Variants in TBC1D9B observed in about 807,000 individuals in gnomAD.
TBC1D9B encodes the protein TBC1 domain family, member 9B (with GRAM domain).
A neutral mutation model predicts 121.1 loss-of-function variants in TBC1D9B; 87 were observed. That is an observed-to-expected ratio of 0.72 (90% confidence interval 0.60 to 0.86). TBC1D9B has a LOEUF of 0.86. Among genes scored for constraint, TBC1D9B ranks in the 40% least tolerant of loss-of-function variants. The probability of loss-of-function intolerance (pLI) is 0.00; values close to 1 mark genes in which losing one functional copy is unlikely to be tolerated. For missense variants in TBC1D9B, 1,540 were observed against 1,628.6 expected (o/e 0.95, Z 0.94); for synonymous variants, 668 against 670.1 (o/e 1.00, Z 0.05).
At chr5:179,881,680 C>T (rs963936448) in intron 7 of TBC1D9B, among the ~76,000 whole-genome samples, 6 of 152,206 alleles carry the variant, frequency 3.9e-5, no homozygotes, top group Non-Finnish European at 7.3e-5. Flanking sequence ...ATCTCACTGT[C>T]TCCTTTCCCC....
In TBC1D9B at chr5:179,863,975, G is replaced by A. The variant is rs777917427; in HGVS notation, c.3175C>T (p.Pro1059Ser). The change falls in exon 21 of 21, where the codon CCC (proline) becomes TCC (serine). Residue 1059 changes from proline to serine, a missense_variant. Physicochemically the swap from Pro to Ser is moderately conservative, Grantham distance 74. Transcript: ENST00000355235. This position sits in a 1 kb window ranked among gnomAD's most constrained non-coding sequence, Gnocchi z 4.5. ...KKFSARTGRK[P>S]RDCATEEDEP... ...TCCTCCTCAGTGGCACAGTCCCTGG[G>A]CTTCCTGCCTGTGCGGGCTGAGAAC... The A allele has an allele frequency of 1.2e-6, 2 of 1,613,824 alleles. No homozygotes were observed. Among genetic ancestry groups the A allele is most frequent in the African/African-American group, 2.7e-5 (2 of 75,034 alleles).
At position 179,865,184 on chromosome 5, in the gene TBC1D9B, G is replaced by A. The variant is rs76297762; in HGVS notation, c.3021+70C>T. ...CCAGGAGATGCTGCAGTGCAGGTGC[G>A]GTGATGTTAGGGCCCAGTCTTGGTC... On this transcript the variant is annotated intron_variant, in intron 20 of 20. Coordinates refer to ENST00000355235, the MANE Select transcript of TBC1D9B (RefSeq NM_015043.4). The surrounding 1 kb of genome is among the most constrained non-coding windows in gnomAD (Gnocchi z 5.1). 2.1e-3 allele frequency: 3,002 copies of A among 1,425,782 alleles called. 58 individuals carry two copies. The African/African-American group carries it at 0.037, about 17-fold the overall frequency. 88.3% of individuals were successfully genotyped at this position (1,425,782 alleles called of 1,614,324 possible).
intron 14 of TBC1D9B, 86 bp from the exon 15 acceptor site, chr5:179,871,616 G>C (rs1243323979): frequency 6.9e-7 from 1 of 1,456,732 alleles, no homozygotes; most frequent in Non-Finnish European, 9.5e-7. Context: ...ATCCTCGGCA[G>C]ACAAGGGCAA....
Position 179,875,824 on chromosome 5 carries a change from C to G in TBC1D9B, c.1900+96G>C. On this transcript the variant is annotated intron_variant, in intron 11 of 20. Coordinates refer to ENST00000355235, the MANE Select transcript of TBC1D9B (RefSeq NM_015043.4). This position sits in a 1 kb window ranked among gnomAD's most constrained non-coding sequence, Gnocchi z 4.5. ...TACCCTCTAACTCCTAGGGAACCCACGTGAAGCCTGGAGCTTGGCCTGGGA... is the reference window on the plus strand; with the variant it reads ...TACCCTCTAACTCCTAGGGAACCCAGGTGAAGCCTGGAGCTTGGCCTGGGA... The G allele has an allele frequency of 2.0e-6, 2 of 995,340 alleles. No individual in the cohort carries two copies. The highest frequency in any genetic ancestry group is 2.9e-6 in the Non-Finnish European group (2 of 694,102). 61.7% of individuals were successfully genotyped at this position (995,340 alleles called of 1,614,324 possible). A position where few individuals can be genotyped will look rare whatever the true frequency, so the allele number is the denominator to read the frequency against.
intron 3 of TBC1D9B, among the ~76,000 whole-genome samples, chr5:179,895,330 A>G (rs575795132): frequency 6.0e-4 from 91 of 152,214 alleles, no homozygotes; most frequent in South Asian, 8.3e-4. Context: ...GCAAACACCA[A>G]TGGATTCATA....
At chr5:179,886,145 C>T (rs1433836334) in intron 7 of TBC1D9B, among the ~76,000 whole-genome samples, 7 of 152,168 alleles carry the variant, frequency 4.6e-5, no homozygotes, top group African/African-American at 1.7e-4. Context: ...CCCTTCTTTC[C>T]CCTGGCACTC....
chr5:179,875,105 C>T lies in TBC1D9B; in HGVS notation c.1983G>A (p.Gly661=). The change falls in exon 12 of 21, where the codon GGG becomes GGA. Residue 661 remains glycine, a synonymous_variant. Transcript: ENST00000355235. This position sits in a 1 kb window ranked among gnomAD's most constrained non-coding sequence, Gnocchi z 4.5. The part of the protein sequence containing the change: ...PQLSEKMQDL[G]VISSISLSWF... ...AGGACAGCGAGATGCTGGAGATCACCCCCAGGTCCTGCATCTTCTCCGAGA... is the reference window on the plus strand; with the variant it reads ...AGGACAGCGAGATGCTGGAGATCACTCCCAGGTCCTGCATCTTCTCCGAGA... 1 of 1,614,052 alleles carries T rather than the reference C, an allele frequency of 6.2e-7. No individual in the cohort carries two copies. Among genetic ancestry groups the T allele is most frequent in the South Asian group, 1.1e-5 (1 of 91,084 alleles).
Position 179,876,017 on chromosome 5 carries a change from C to T in TBC1D9B, c.1803G>A (p.Ser601=), listed in dbSNP as rs148803218. 8.1e-4 allele frequency: 1,312 copies of T among 1,612,520 alleles called. 1 individual carries two copies. Among genetic ancestry groups the T allele is most frequent in the Middle Eastern group, 2.2e-3 (13 of 6,046 alleles). ...CCTCACTGCCATAGAGCAGGAGCAC[C>T]GAGGTCACGATGTTCATTGCCTGCC... ...GYCQAMNIVT[S]VLLLYGSEEE... is the part of the protein sequence containing the mutation. The change falls in exon 11 of 21, where the codon TCG becomes TCA. Residue 601 remains serine, a synonymous_variant. Coordinates refer to ENST00000355235, the MANE Select transcript of TBC1D9B (RefSeq NM_015043.4).
chr5:179,892,760 G>A (rs1760901625), intron 5 of TBC1D9B, among the ~76,000 whole-genome samples: 1 of 152,204 alleles, frequency 6.6e-6, no homozygotes, highest in African/African-American at 2.4e-5. Context: ...GTCAATCACG[G>A]TGGGACGGAG....
chr5:179,878,324 G>C lies in TBC1D9B; in HGVS notation c.1767C>G (p.Thr589=). ...VLTAYAFRNP[T]IGYCQAMNIV... ...GGCCCCTTACCTGGCAGTAGCCGAT[G>C]GTGGGGTTTCGGAAGGCATAGGCAG... The change falls in exon 10 of 21, where the codon ACC becomes ACG. Residue 589 remains threonine, a synonymous_variant. Coordinates refer to ENST00000355235, the MANE Select transcript of TBC1D9B (RefSeq NM_015043.4). 6.2e-7 allele frequency: 1 copy of C among 1,613,144 alleles called. No individual in the cohort carries two copies. The highest frequency in any genetic ancestry group is 8.5e-7 in the Non-Finnish European group (1 of 1,179,866).
At chr5:179,899,512 G>A (rs573986883) in intron 2 of TBC1D9B, among the ~76,000 whole-genome samples, 2 of 152,248 alleles carry the variant, frequency 1.3e-5, no homozygotes, top group African/African-American at 2.4e-5. Flanking sequence ...AAAATTAAAC[G>A]TCCAGGCTGA....
chr5:179,899,273 T>C lies in TBC1D9B; in HGVS notation c.264A>G (p.Glu88=). 6.2e-7 allele frequency: 1 copy of C among 1,614,114 alleles called. No homozygotes were observed. Among genetic ancestry groups the C allele is most frequent in the Non-Finnish European group, 8.5e-7 (1 of 1,180,012 alleles). The change falls in exon 3 of 21, where the codon GAA becomes GAG. Residue 88 remains glutamate, a synonymous_variant. Transcript: ENST00000355235. ...TCTGGAGCAAGTTATTTTCCAGCCA[T>C]TCCCAGTGTTTTGTGATCTCTTTGC... The part of the protein sequence containing the change: ...SSRKEITKHW[E]WLENNLLQTL...
rs781360785 is a variant in TBC1D9B at position 179,879,742 on chromosome 5, G to A, written c.1302C>T (p.Ala434=). ...QEGSEQPASP[A]SPLSSRQSFC... is the part of the protein sequence containing the mutation. ...AGCTCTGGCGGCTGCTGAGGGGAGAGGCTGGGCTGGCGGGCTGCTCCGACC... is the reference window on the plus strand; with the variant it reads ...AGCTCTGGCGGCTGCTGAGGGGAGAAGCTGGGCTGGCGGGCTGCTCCGACC... Residue 434 remains alanine, a synonymous_variant, in exon 8 of 21, where the codon GCC becomes GCT. Coordinates refer to ENST00000355235, the MANE Select transcript of TBC1D9B (RefSeq NM_015043.4). 1.2e-6 allele frequency: 2 copies of A among 1,613,938 alleles called. No homozygotes were observed. Among genetic ancestry groups the A allele is most frequent in the Admixed American group, 1.7e-5 (1 of 59,998 alleles).
At chr5:179,894,665 T>C (rs1393135865) in intron 3 of TBC1D9B, 51 bp from the exon 4 acceptor site, 2 of 1,594,494 alleles carry the variant, frequency 1.3e-6, no homozygotes, top group African/African-American at 2.7e-5. Context: ...CCCGGACAGG[T>C]CAAAGGGTGG....
In TBC1D9B at chr5:179,902,227, G is replaced by T. The variant is rs1001798190; in HGVS notation, c.229+2475C>A. On this transcript the variant is annotated intron_variant, in intron 2 of 20. Coordinates refer to ENST00000355235, the MANE Select transcript of TBC1D9B (RefSeq NM_015043.4). This position sits in a 1 kb window ranked among gnomAD's most constrained non-coding sequence, Gnocchi z 4.9. ...GAGTCTGGGCAGTTCTCAGAGGAGC[G>T]GGAGGGAAGGTTAGCTGGCATGGCG... Among the ~76,000 whole-genome samples the T allele has an allele frequency of 1.3e-5, 2 of 152,242 alleles. No individual in the cohort carries two copies. The highest frequency in any genetic ancestry group is 2.9e-5 in the Non-Finnish European group (2 of 68,040).
chr5:179,888,323 G>C lies in TBC1D9B; in HGVS notation c.1045-11C>G, dbSNP rs370177384. 8.7e-6 allele frequency: 14 copies of C among 1,611,952 alleles called. No individual in the cohort carries two copies. Among genetic ancestry groups the C allele is most frequent in the Non-Finnish European group, 1.1e-5 (13 of 1,179,518 alleles). On this transcript the variant is annotated splice_polypyrimidine_tract_variant and intron_variant, in intron 6 of 20. Transcript: ENST00000355235. ...TTCGACAATGGTCACCTGAGAAGGT[G>C]AAAGAACTCTTTTGGGTGTCTGCAT...
In TBC1D9B at chr5:179,865,694, C is replaced by T. The variant is rs76759497; in HGVS notation, c.2914+144G>A. The T allele has an allele frequency of 4.4e-3, 4,169 of 948,822 alleles. 74 individuals carry two copies. The East Asian group carries it at 0.046, about 10-fold the overall frequency. 58.8% of individuals were successfully genotyped at this position (948,822 alleles called of 1,614,324 possible). ...GGAGAGCGTGGAGCCTCCTGTGCAT[C>T]CCGAGGCCTGCTCCCTGATCGGGGG... On this transcript the variant is annotated intron_variant, in intron 19 of 20. Transcript: ENST00000355235. The surrounding 1 kb of genome is among the most constrained non-coding windows in gnomAD (Gnocchi z 5.1).
intron 15 of TBC1D9B, chr5:179,870,699 TGA>T (rs1463253043): frequency 2.5e-6 from 2 of 785,660 alleles, no homozygotes; most frequent in Admixed American, 6.1e-5. Flanking sequence ...GGGGGTTGGC[TGA>T]GAGACAGAGT....
In TBC1D9B at chr5:179,876,025, C is replaced by T. The variant is rs751932035; in HGVS notation, c.1795G>A (p.Val599Met). 8 of 1,612,390 alleles carry T rather than the reference C, an allele frequency of 5.0e-6. No individual in the cohort carries two copies. Among genetic ancestry groups the T allele is most frequent in the South Asian group, 2.2e-5 (2 of 90,748 alleles). Residue 599 changes from valine to methionine, a missense_variant, in exon 11 of 21, where the codon GTG becomes ATG. Physicochemically the swap from Val to Met is conservative, Grantham distance 21. Coordinates refer to ENST00000355235, the MANE Select transcript of TBC1D9B (RefSeq NM_015043.4). ...CCATAGAGCAGGAGCACCGAGGTCA[C>T]GATGTTCATTGCCTGCCGGGCACAG... ...TIGYCQAMNI[V>M]TSVLLLYGSE...
Sources: allele counts gnomAD v4.1 joint callset (sites outside exome capture counted in the v4.1 genomes callset), GRCh38; gene constraint gnomAD v4.1.1; non-coding constraint Gnocchi (gnomAD v3.1); transcripts MANE v1.5; gene names NCBI Gene and HGNC (gene_info 2026-07-23, HGNC 2026-07-21).